The following CCNI2 variants were observed in gnomAD, a reference collection of about 807,000 sequenced individuals.
CCNI2 encodes cyclin I family member 2, also known as cyclin-I2.
Under a neutral mutation model 33.2 loss-of-function variants are expected in CCNI2, and 32 were observed. The ratio of observed to expected loss-of-function variants is 0.96; its 90% CI spans 0.73 to 1.30. The LOEUF (loss-of-function observed/expected upper bound fraction) is 1.30, where lower values mean the gene tolerates loss of function less well. Ranked by LOEUF, CCNI2 falls within the 50% of genes most tolerant of loss-of-function variation. CCNI2 has a pLI of 0.00. For missense variants in CCNI2, 452 were observed against 486.2 expected (o/e 0.93, Z 0.66); for synonymous variants, 231 against 219.9 (o/e 1.05, Z -0.45).
At chr5:132,748,883 G>A (rs13436703) in intron 2 of CCNI2, among the ~76,000 whole-genome samples, 2 of 152,148 alleles carry the variant, frequency 1.3e-5, no homozygotes, top group African/African-American at 4.8e-5. Context: ...GAGCATCTTC[G>A]TTGGTCAGAT....
chr5:132,750,668 T>G (rs1754772011), intron 3 of CCNI2, 189 bp from the exon 4 acceptor site: 1 of 580,776 alleles, frequency 1.7e-6, no homozygotes, highest in African/African-American at 1.9e-5. Context: ...TGATGTTCAC[T>G]ACATAACTAC....
downstream of CCNI2, among the ~76,000 whole-genome samples, chr5:132,755,242 T>G (rs112276631): frequency 3.5e-4 from 54 of 152,204 alleles, no homozygotes; most frequent in African/African-American, 1.3e-3. Context: ...TGGAGAAAGC[T>G]CCTTAAAAAA....
At chr5:132,755,164 C>T (rs2149950256), downstream of CCNI2, among the ~76,000 whole-genome samples, 2 of 152,320 alleles carry the variant, frequency 1.3e-5, no homozygotes, top group Middle Eastern at 6.8e-3. Flanking sequence ...GGGATGTGTT[C>T]ATACCACTCT....
intron 3 of CCNI2, 86 bp downstream of exon 3, chr5:132,749,508 T>C (rs1321109503): frequency 3.7e-6 from 4 of 1,085,196 alleles, no homozygotes; most frequent in Non-Finnish European, 5.7e-6. Context: ...GATAGGTCTG[T>C]GCCCTTAGGT....
chr5:132,752,192 C>G lies in CCNI2; in HGVS notation c.1001C>G (p.Ala334Gly). Residue 334 changes from alanine (A) to glycine (G), a missense_variant, in exon 5 of 6, where the codon GCA (alanine) becomes GGA (glycine). Coordinates refer to ENST00000378731, the MANE Select transcript of CCNI2 (RefSeq NM_001039780.4). Reference sequence around the variant, plus strand: ...CCTATATCTGATCTGCTAAAGAAAGCACAGGTAGACATCAACTTTGCCCCA... The same window carrying G: ...CCTATATCTGATCTGCTAAAGAAAGGACAGGTAGACATCAACTTTGCCCCA... ...CAPISDLLKK[A>G]QVGDMQYSCC... 6.4e-7 allele frequency: 1 copy of G among 1,568,748 alleles called. No homozygotes were observed. The highest frequency in any genetic ancestry group is 2.3e-5 in the East Asian group (1 of 43,454).
At position 132,747,537 on chromosome 5, in the gene CCNI2, A is replaced by G; in HGVS notation, c.42A>G (p.Ser14=). 3.3e-6 allele frequency: 5 copies of G among 1,505,030 alleles called. No homozygotes were observed. The highest frequency in any genetic ancestry group is 4.4e-6 in the Non-Finnish European group (5 of 1,134,284). 93.2% of individuals were successfully genotyped at this position (1,505,030 alleles called of 1,614,324 possible). The change falls in exon 1 of 6, where the codon TCA becomes TCG. Residue 14 remains serine (S), a synonymous_variant. Transcript: ENST00000378731. This position sits in a 1 kb window ranked among gnomAD's most constrained non-coding sequence, Gnocchi z 4.1. Reference sequence around the variant, plus strand: ...AGCTCCCGCCGCAGCCGTCGAGCTCAGAGGTCAGCGCCGTCCAGAGCCCAG... The same window carrying G: ...AGCTCCCGCCGCAGCCGTCGAGCTCGGAGGTCAGCGCCGTCCAGAGCCCAG... ...GAQLPPQPSS[S]EVSAVQSPGG... is the part of the protein sequence containing the mutation.
At chr5:132,755,126 C>G (rs1387226517), downstream of CCNI2, among the ~76,000 whole-genome samples, 2 of 152,174 alleles carry the variant, frequency 1.3e-5, no homozygotes, top group African/African-American at 2.4e-5. Context: ...GCTGCCTGCA[C>G]AAGTAGAGCT....
At position 132,752,109 on chromosome 5, in the gene CCNI2, A is replaced by G. The variant is rs1219924464; in HGVS notation, c.918A>G (p.Thr306=). Residue 306 remains threonine, a synonymous_variant, in exon 5 of 6, where the codon ACA becomes ACG. Coordinates refer to ENST00000378731, the MANE Select transcript of CCNI2 (RefSeq NM_001039780.4). ...GHQLLQFKGS[T]LALVIITLEL... is the part of the protein sequence containing the mutation. ...AGCTGCTGCAGTTCAAGGGCTCCACACTGGCCTTGGTCATCATCACCTTAG... is the reference window on the plus strand; with the variant it reads ...AGCTGCTGCAGTTCAAGGGCTCCACGCTGGCCTTGGTCATCATCACCTTAG... 1.9e-6 allele frequency: 3 copies of G among 1,599,468 alleles called. No individual in the cohort carries two copies. Among genetic ancestry groups the G allele is most frequent in the East Asian group, 2.2e-5 (1 of 44,524 alleles).
In CCNI2 at chr5:132,753,309, C is replaced by A; in HGVS notation, c.*339C>A. 1 of 272,490 alleles carries A rather than the reference C, an allele frequency of 3.7e-6. No individual in the cohort carries two copies. Among genetic ancestry groups the A allele is most frequent in the Non-Finnish European group, 7.2e-6 (1 of 138,976 alleles). 16.9% of individuals were successfully genotyped at this position (272,490 alleles called of 1,614,324 possible). A position where few individuals can be genotyped will look rare whatever the true frequency, so the allele number is the denominator to read the frequency against. On this transcript the variant is annotated 3_prime_UTR_variant, in exon 6 of 6. Coordinates refer to ENST00000378731, the MANE Select transcript of CCNI2 (RefSeq NM_001039780.4). ...AAGGGTTGGCATTGGCCCCTGGGAG[C>A]GCTGGAATATGAAACCAAGAGGCAG...
chr5:132,754,266 A>G lies in CCNI2; in HGVS notation c.*1296A>G. 2 of 629,212 alleles carry G rather than the reference A, an allele frequency of 3.2e-6. No individual in the cohort carries two copies. The highest frequency in any genetic ancestry group is 5.8e-6 in the Non-Finnish European group (2 of 344,864). 39.0% of individuals were successfully genotyped at this position (629,212 alleles called of 1,614,324 possible). On this transcript the variant is annotated 3_prime_UTR_variant, in exon 6 of 6. Coordinates refer to ENST00000378731, the MANE Select transcript of CCNI2 (RefSeq NM_001039780.4). The stretch of plus-strand genomic sequence containing the variant: ...TAGGTCATATCAAGAACTCTCCTCT[A>G]GTCCAGAACCCATTTTACAGATGGA...
Position 132,753,144 on chromosome 5 carries a change from G to A in CCNI2, c.*174G>A, listed in dbSNP as rs1034457761. On this transcript the variant is annotated 3_prime_UTR_variant, in exon 6 of 6. Transcript: ENST00000378731. ...TGGAAAAAAAATAAAGGGGAGAGGG[G>A]AAAGGCAGGCTGAGGTCAGTAGAGG... 1 of 614,920 alleles carries A rather than the reference G, an allele frequency of 1.6e-6. No homozygotes were observed. Among genetic ancestry groups the A allele is most frequent in the Non-Finnish European group, 2.9e-6 (1 of 348,002 alleles). The allele number at this position is 614,920 out of a possible 1,614,324, so 38.1% of individuals were successfully genotyped here. A position where few individuals can be genotyped will look rare whatever the true frequency, so the allele number is the denominator to read the frequency against.
Position 132,751,113 on chromosome 5 carries a change from C to T in CCNI2, c.774+116C>T, listed in dbSNP as rs1581119753. 6 of 1,187,982 alleles carry T rather than the reference C, an allele frequency of 5.1e-6. No individual in the cohort carries two copies. In the Middle Eastern group the frequency reaches 8.9e-4, roughly 175 times the overall value. 73.6% of individuals were successfully genotyped at this position (1,187,982 alleles called of 1,614,324 possible). On this transcript the variant is annotated intron_variant, in intron 4 of 5. Transcript: ENST00000378731. ...TGCACACGCCCTTGCACATGCACCA[C>T]AGTGAGGTGACGCACAAGGCTCATG...
intron 2 of CCNI2, 98 bp downstream of exon 2, chr5:132,748,573 A>G (rs1754679167): frequency 6.8e-7 from 1 of 1,476,444 alleles, no homozygotes; most frequent in Admixed American, 1.9e-5. Flanking sequence ...CAGATGCTCA[A>G]AACCAAGGTG....
rs929148242 is a variant in CCNI2, at chr5:132,753,821, C to T, written c.*851C>T. On this transcript the variant is annotated 3_prime_UTR_variant, in exon 6 of 6. Coordinates refer to ENST00000378731, the MANE Select transcript of CCNI2 (RefSeq NM_001039780.4). ...GGCTGCCTCTCTCATGCTGTGCTACCACAGAGCCATTCTCTAAGCAGGGGA... is the reference window on the plus strand; with the variant it reads ...GGCTGCCTCTCTCATGCTGTGCTACTACAGAGCCATTCTCTAAGCAGGGGA... 1 of 152,616 alleles carries T rather than the reference C, an allele frequency of 6.6e-6. No individual in the cohort carries two copies. Among genetic ancestry groups the T allele is most frequent in the African/African-American group, 2.4e-5 (1 of 41,442 alleles). The allele number at this position is 152,616 out of a possible 1,614,324, so 9.5% of individuals were successfully genotyped here. A position where few individuals can be genotyped will look rare whatever the true frequency, so the allele number is the denominator to read the frequency against.
intron 3 of CCNI2, among the ~76,000 whole-genome samples, chr5:132,749,862 C>T (rs1754734436): frequency 6.6e-6 from 1 of 152,160 alleles, no homozygotes; most frequent in African/African-American, 2.4e-5. Flanking sequence ...TCTGGGACCC[C>T]TGAGAGGGAC....
chr5:132,747,768 G>T lies in CCNI2; in HGVS notation c.273G>T (p.Ala91=), dbSNP rs28587656. 2,598 of 1,467,772 alleles carry T rather than the reference G, an allele frequency of 1.8e-3. 45 individuals are homozygous for T. The African/African-American group carries it at 0.035, about 20-fold the overall frequency. The allele number at this position is 1,467,772 out of a possible 1,614,324, so 90.9% of individuals were successfully genotyped here. Residue 91 remains alanine, a synonymous_variant, in exon 1 of 6, where the codon GCG becomes GCT. Transcript: ENST00000378731. The surrounding 1 kb of genome is among the most constrained non-coding windows in gnomAD (Gnocchi z 4.1). ...CGCCAGCCGGGAAAACCGCAGACGCGGTCCCCGCCGCCGCCCCAGAGCAAG... is the reference window on the plus strand; with the variant it reads ...CGCCAGCCGGGAAAACCGCAGACGCTGTCCCCGCCGCCGCCCCAGAGCAAG... The part of the protein sequence containing the change: ...GTAPAGKTAD[A]VPAAAPEQAP...
intron 3 of CCNI2, 91 bp downstream of exon 3, chr5:132,749,513 T>A: frequency 1.9e-6 from 2 of 1,035,204 alleles, no homozygotes; most frequent in Non-Finnish European, 3.0e-6. Flanking sequence ...GTCTGTGCCC[T>A]TAGGTATGGT....
intron 2 of CCNI2, 39 bp downstream of exon 2, chr5:132,748,514 G>T: frequency 3.1e-6 from 5 of 1,610,886 alleles, no homozygotes; most frequent in Non-Finnish European, 4.2e-6. Flanking sequence ...GATGGTGAGA[G>T]AAGAAACTAA....
chr5:132,751,629 T>G (rs1171324957), intron 4 of CCNI2: 1 of 367,854 alleles, frequency 2.7e-6, no homozygotes, highest in Non-Finnish European at 4.9e-6. Flanking sequence ...TTTCGTCTTA[T>G]GATAAGCAGA....
Sources: gnomAD v4.1 joint callset for allele counts (sites outside exome capture counted in the v4.1 genomes callset) on GRCh38, gnomAD v4.1.1 for gene constraint, Gnocchi (gnomAD v3.1) non-coding constraint, MANE v1.5 for transcripts, NCBI Gene and HGNC (gene_info 2026-07-23, HGNC 2026-07-21) for gene names.